Variants in CTSO observed in about 807,000 individuals in gnomAD.
CTSO encodes the protein cathepsin O.
Under a neutral mutation model 42.4 loss-of-function variants are expected in CTSO, and 40 were observed. The ratio of observed to expected loss-of-function variants is 0.94; its 90% CI spans 0.73 to 1.23. The LOEUF is 1.23. Among genes scored for constraint, CTSO ranks in the 50% most tolerant of loss-of-function variants. The pLI is 0.00. For synonymous variants in CTSO, 156 were observed against 146.2 expected, an observed-to-expected ratio of 1.07 and a Z score of -0.48; for missense variants, 441 against 396.0, an observed-to-expected ratio of 1.11 and a Z score of -0.96.
At chr4:155,937,136 A>G (rs1743343979) in intron 5 of CTSO, among the ~76,000 whole-genome samples, 1 of 152,096 alleles carries the variant, frequency 6.6e-6, no homozygotes, top group Non-Finnish European at 1.5e-5. Context: ...CTTACACAGA[A>G]TTAAAATTTT....
At position 155,943,302 on chromosome 4, in the gene CTSO, T is replaced by C. The variant is rs754356757; in HGVS notation, c.136-38A>G. On this transcript the variant is annotated intron_variant, in intron 1 of 7. Transcript: ENST00000433477. ...CAAAAACTATTTCATATCCACTATG[T>C]CAGTTTTCCAAAGTAAACTGTGTAT... 8.4e-6 allele frequency: 11 copies of C among 1,304,950 alleles called. No individual in the cohort carries two copies. The South Asian group carries it at 1.1e-4, about 13-fold the overall frequency. The allele number at this position is 1,304,950 out of a possible 1,614,324, so 80.8% of individuals were successfully genotyped here. A position where few individuals can be genotyped will look rare whatever the true frequency, so the allele number is the denominator to read the frequency against.
intron 1 of CTSO, among the ~76,000 whole-genome samples, chr4:155,944,726 G>A (rs925010724): frequency 2.0e-4 from 31 of 152,110 alleles, no homozygotes; most frequent in African/African-American, 6.8e-4. Context: ...TTAGTGCTAA[G>A]GCTTGCTATT....
At chr4:155,929,118 T>C (rs1294450990) in intron 6 of CTSO, among the ~76,000 whole-genome samples, 1 of 152,256 alleles carries the variant, frequency 6.6e-6, no homozygotes, top group Non-Finnish European at 1.5e-5. Flanking sequence ...ATGCTCCTGC[T>C]GCAGACAACT....
In CTSO at chr4:155,929,621, A is replaced by G; in HGVS notation, c.759T>C (p.Tyr253=). The change falls in exon 6 of 8, where the codon TAT becomes TAC. Residue 253 remains tyrosine, a synonymous_variant. Transcript: ENST00000433477. ...VIVDAVSWQD[Y]LGGIIQHHCS... ...AGTGATGCTGTATAATGCCTCCCAG[A>G]TAATCTTGCCAGCTCACTGCATCTA... 1.2e-6 allele frequency: 2 copies of G among 1,613,928 alleles called. No homozygotes were observed. The highest frequency in any genetic ancestry group is 1.7e-6 in the Non-Finnish European group (2 of 1,179,976).
intron 4 of CTSO, 72 bp downstream of exon 4, chr4:155,939,299 T>C (rs571476676): frequency 7.5e-6 from 10 of 1,326,016 alleles, no homozygotes; most frequent in South Asian, 6.6e-5. Context: ...GAACAAACTG[T>C]TTGAATTTTG....
At chr4:155,929,728 G>T (rs781325765) in intron 5 of CTSO, 23 bp from the exon 6 acceptor site, 18 of 1,589,822 alleles carry the variant, frequency 1.1e-5, no homozygotes, top group Admixed American at 7.2e-5. Flanking sequence ...GAAATATTTG[G>T]TTAGAAAATT....
At position 155,929,592 on chromosome 4, in the gene CTSO, G is replaced by C; in HGVS notation, c.788C>G (p.Ser263Cys). Residue 263 changes from serine to cysteine, a missense_variant, in exon 6 of 8, where the codon TCT (serine) becomes TGT (cysteine). Transcript: ENST00000433477. Reference sequence around the variant, plus strand: ...AACTGCATGATTTGCTTCTCCACTAGAGCAGTGATGCTGTATAATGCCTCC... The same window carrying C: ...AACTGCATGATTTGCTTCTCCACTACAGCAGTGATGCTGTATAATGCCTCC... ...YLGGIIQHHC[S>C]SGEANHAVLI... The C allele has an allele frequency of 6.2e-7, 1 of 1,613,782 alleles. No homozygotes were observed. The highest frequency in any genetic ancestry group is 1.3e-5 in the African/African-American group (1 of 75,024).
At chr4:155,943,360 T>A in intron 1 of CTSO, 96 bp from the exon 2 acceptor site, 1 of 651,758 alleles carries the variant, frequency 1.5e-6, no homozygotes, top group Non-Finnish European at 2.7e-6. Flanking sequence ...AATTATAAAG[T>A]TAAAGCTTGA....
chr4:155,936,593 C>T (rs1396252500), intron 5 of CTSO, among the ~76,000 whole-genome samples: 1 of 152,138 alleles, frequency 6.6e-6, no homozygotes, highest in African/African-American at 2.4e-5. Context: ...CCATGAACAC[C>T]TATTTTGCAC....
At chr4:155,951,890 C>G (rs143523934) in intron 1 of CTSO, among the ~76,000 whole-genome samples, 84 of 152,186 alleles carry the variant, frequency 5.5e-4, no homozygotes, top group African/African-American at 1.9e-3. Flanking sequence ...CAAATCCATC[C>G]ATCTCCCCCA....
intron 5 of CTSO, among the ~76,000 whole-genome samples, chr4:155,933,890 A>C (rs1185365635): frequency 6.6e-6 from 1 of 152,212 alleles, no homozygotes; most frequent in East Asian, 1.9e-4. Flanking sequence ...AACAGAGCAT[A>C]AAAGTTCAGA....
At chr4:155,941,834 C>A (rs759127201) in intron 3 of CTSO, among the ~76,000 whole-genome samples, 2 of 152,194 alleles carry the variant, frequency 1.3e-5, no homozygotes, top group Non-Finnish European at 2.9e-5. Flanking sequence ...TCTGACAGAG[C>A]TTGCAAGATG....
At chr4:155,937,258 A>G in intron 5 of CTSO, 104 bp downstream of exon 5, 1 of 753,430 alleles carries the variant, frequency 1.3e-6, no homozygotes. Flanking sequence ...ATGTTTTACA[A>G]GGATTAAGAG....
At chr4:155,945,911 C>T (rs1437173596) in intron 1 of CTSO, among the ~76,000 whole-genome samples, 1 of 152,180 alleles carries the variant, frequency 6.6e-6, no homozygotes, top group African/African-American at 2.4e-5. Context: ...ATACCACACA[C>T]ACACCACACC....
intron 5 of CTSO, among the ~76,000 whole-genome samples, chr4:155,931,740 A>T (rs1415819907): frequency 1.3e-5 from 2 of 151,712 alleles, no homozygotes; most frequent in East Asian, 3.9e-4. Context: ...CATTTCACAG[A>T]TTAATAATTT....
At chr4:155,940,983 GT>G (rs1743420360) in intron 3 of CTSO, among the ~76,000 whole-genome samples, 1 of 150,518 alleles carries the variant, frequency 6.6e-6, no homozygotes, top group Non-Finnish European at 1.5e-5. Flanking sequence ...CTAATTAAAA[GT>G]TCCCTCTTCA....
chr4:155,950,286 A>C (rs1036451780), intron 1 of CTSO, among the ~76,000 whole-genome samples: 1 of 152,232 alleles, frequency 6.6e-6, no homozygotes, highest in Admixed American at 6.5e-5. Flanking sequence ...CAATGCTTAA[A>C]CATAACGATA....
At chr4:155,952,512 C>T (rs1743693713) in intron 1 of CTSO, among the ~76,000 whole-genome samples, 1 of 152,224 alleles carries the variant, frequency 6.6e-6, no homozygotes, top group East Asian at 1.9e-4. Context: ...TTTCGTTTAC[C>T]AGGAAAACGA....
In CTSO at chr4:155,939,405, C is replaced by A. The variant is rs143745102; in HGVS notation, c.518G>T (p.Gly173Val). The A allele has an allele frequency of 3.2e-5, 52 of 1,613,936 alleles. No individual in the cohort carries two copies. In the African/African-American group the frequency reaches 6.5e-4, roughly 20 times the overall value. Residue 173 changes from glycine to valine, a missense_variant, in exon 4 of 8, where the codon GGC becomes GTC. Gly to Val is a moderately radical substitution (Grantham distance 109). Coordinates refer to ENST00000433477, the MANE Select transcript of CTSO (RefSeq NM_001334.3). The stretch of plus-strand genomic sequence containing the variant: ...CCAGTTCAAAGCATTGAGAGTAGAG[C>A]CTCCATTGCAGCCATAATTATTATA... ...CSYNNYGCNG[G>V]STLNALNWLN...
Sources: allele counts gnomAD v4.1 joint callset (sites outside exome capture counted in the v4.1 genomes callset), GRCh38; gene constraint gnomAD v4.1.1; transcripts MANE v1.5; gene names NCBI Gene and HGNC (gene_info 2026-07-23, HGNC 2026-07-21).